The following TCF25 variants were observed in gnomAD, a reference collection of about 807,000 sequenced individuals.
TCF25 encodes the protein TCF25 ribosome quality control complex subunit.
TCF25 carries 41 observed loss-of-function variants against 83.1 expected under a neutral mutation model. That is an observed-to-expected ratio of 0.49 (90% CI 0.38 to 0.64). The LOEUF (loss-of-function observed/expected upper bound fraction) is 0.64, where lower values mean the gene tolerates loss of function less well. TCF25 is among the 30% of genes least tolerant of loss of function. TCF25 has a pLI of 0.00. For synonymous variants in TCF25, 458 were observed against 365.0 expected, an observed-to-expected ratio of 1.25 and a Z score of -2.90; for missense variants, 979 against 914.5, an observed-to-expected ratio of 1.07 and a Z score of -0.91.
At chr16:89,908,521 GCTCCCA>G (rs2045206554) in intron 16 of TCF25, among the ~76,000 whole-genome samples, 1 of 28,206 alleles carries the variant, frequency 3.5e-5, no homozygotes, top group Non-Finnish European at 7.8e-5. Context: ...CCACCTTCCA[GCTCCCA>G]CCTCCCAGCT....
chr16:89,892,150 C>A, intron 5 of TCF25, 43 bp from the exon 6 acceptor site: 1 of 1,541,522 alleles, frequency 6.5e-7, no homozygotes, highest in South Asian at 1.3e-5. Flanking sequence ...GGTCCCCACA[C>A]GCCACAGGAA....
Position 89,892,238 on chromosome 16 carries a change from C to A in TCF25, c.660C>A (p.Thr220=). 1 of 1,613,110 alleles carries A rather than the reference C, an allele frequency of 6.2e-7. No individual in the cohort carries two copies. Among genetic ancestry groups the A allele is most frequent in the Non-Finnish European group, 8.5e-7 (1 of 1,179,760 alleles). Residue 220 remains threonine, a synonymous_variant, in exon 6 of 18, where the codon ACC becomes ACA. Coordinates refer to ENST00000263346, the MANE Select transcript of TCF25 (RefSeq NM_014972.3). ...TGTACCCCAAGTGCACATGGCTGAC[C>A]ACCCCTAAAAGCACCTGGCCCCGCT... ...QRVYPKCTWL[T]TPKSTWPRYS...
chr16:89,889,819 G>T, intron 5 of TCF25: 1 of 152,238 alleles, frequency 6.6e-6, no homozygotes, highest in Non-Finnish European at 1.5e-5. Context: ...CGAAGTGCTG[G>T]GATTACAGGT....
chr16:89,904,259 G>A (rs1443869378), intron 13 of TCF25, 54 bp downstream of exon 13: 2 of 1,541,892 alleles, frequency 1.3e-6, no homozygotes, highest in African/African-American at 2.7e-5. Flanking sequence ...TCGGAGCCTG[G>A]GAGCCATTTT....
chr16:89,892,629 C>G (rs562539572), intron 6 of TCF25, among the ~76,000 whole-genome samples: 6 of 152,244 alleles, frequency 3.9e-5, no homozygotes, highest in African/African-American at 1.2e-4. Context: ...TGCCATCGAC[C>G]TTTCCCTTAT....
chr16:89,883,332 C>T lies in TCF25; in HGVS notation c.193-19C>T. 1.2e-6 allele frequency: 2 copies of T among 1,611,780 alleles called. No individual in the cohort carries two copies. Among genetic ancestry groups the T allele is most frequent in the Non-Finnish European group, 1.7e-6 (2 of 1,178,078 alleles). On this transcript the variant is annotated intron_variant, in intron 1 of 17. Transcript: ENST00000263346. ...CACTGTAAGTAACGCCCTGGCTCTT[C>T]TCCAACCTGTTTTTCCAGATAAACA... is the stretch of plus-strand genomic sequence containing the variant.
At chr16:89,887,785 G>C (rs550147785) in intron 5 of TCF25, 68 bp downstream of exon 5, 2 of 1,438,166 alleles carry the variant, frequency 1.4e-6, no homozygotes, top group East Asian at 2.5e-5. Context: ...GCCGGGGGTG[G>C]TGTTCCTGAA....
intron 1 of TCF25, chr16:89,878,551 A>T: frequency 8.2e-7 from 1 of 1,223,388 alleles, no homozygotes; most frequent in Non-Finnish European, 1.0e-6. Context: ...ATCCTAAAGA[A>T]GATCAGTCGT....
intron 1 of TCF25, among the ~76,000 whole-genome samples, chr16:89,874,322 G>A (rs1368329556): frequency 6.6e-6 from 1 of 151,690 alleles, no homozygotes; most frequent in Non-Finnish European, 1.5e-5. Flanking sequence ...AGACGGGGGG[G>A]TGGCGAGGCG....
chr16:89,906,735 G>A (rs533758183), intron 15 of TCF25, among the ~76,000 whole-genome samples: 11 of 152,262 alleles, frequency 7.2e-5, no homozygotes, highest in South Asian at 4.1e-4. Context: ...ACCGTGGACC[G>A]TCCACTGGGG....
At chr16:89,890,533 C>A (rs1274071551) in intron 5 of TCF25, 1 of 152,144 alleles carries the variant, frequency 6.6e-6, no homozygotes, top group African/African-American at 2.4e-5. Context: ...TTCACGCCTT[C>A]CCTGGATTTC....
chr16:89,898,381 T>A (rs538986066), intron 9 of TCF25, among the ~76,000 whole-genome samples, 176 bp from the exon 10 acceptor site: 6,008 of 100,918 alleles, frequency 0.06, 533 homozygotes, highest in African/African-American at 0.25. Context: ...CGCTGAGCAG[T>A]GTGTGGGGTG....
intron 11 of TCF25, among the ~76,000 whole-genome samples, 183 bp from the exon 12 acceptor site, chr16:89,900,452 G>A (rs903833957): frequency 2.0e-5 from 3 of 152,122 alleles, no homozygotes; most frequent in East Asian, 1.9e-4. Context: ...TTCTGCATGC[G>A]GAAAGCCCCC....
chr16:89,902,508 T>C (rs1477977721), intron 12 of TCF25, among the ~76,000 whole-genome samples: 2 of 137,500 alleles, frequency 1.5e-5, no homozygotes, highest in African/African-American at 5.3e-5. Flanking sequence ...ACTAACACGG[T>C]GAAACCACGT....
intron 13 of TCF25, chr16:89,904,577 C>CA (rs1476389445): frequency 1.6e-5 from 8 of 487,760 alleles, no homozygotes; most frequent in Non-Finnish European, 2.3e-5. Flanking sequence ...GACCCCGTCT[C>CA]AAAAAACAAA....
intron 1 of TCF25, among the ~76,000 whole-genome samples, chr16:89,879,234 G>A (rs989054342): frequency 2.0e-5 from 3 of 150,938 alleles, no homozygotes; most frequent in Non-Finnish European, 4.4e-5. Context: ...CCTGTCACAC[G>A]TGTTGTCCGT....
chr16:89,879,302 T>C (rs536196530), intron 1 of TCF25, among the ~76,000 whole-genome samples: 5 of 137,364 alleles, frequency 3.6e-5, no homozygotes, highest in South Asian at 4.8e-4. Flanking sequence ...CAGACGGGCT[T>C]CAGAGCCTGT....
rs111210190 is a variant in TCF25, at chr16:89,907,674, C to T, written c.1799+352C>T. ...CTCCCAGCTCCCAGCTCCCTCCTCC[C>T]ACCTCCCACCTCCCTCCTTTCACCT... On this transcript the variant is annotated intron_variant, in intron 16 of 17. Transcript: ENST00000263346. 3.7e-5 allele frequency among the ~76,000 whole-genome samples: 4 copies of T among 108,864 alleles called. 1 individual carries two copies. The highest frequency in any genetic ancestry group is 1.9e-4 in the African/African-American group (4 of 20,812). The allele number at this position is 108,864 out of a possible 152,430, so 71.4% of individuals were successfully genotyped here.
chr16:89,877,610 C>T (rs941762257), intron 1 of TCF25, among the ~76,000 whole-genome samples: 1 of 152,130 alleles, frequency 6.6e-6, no homozygotes, highest in African/African-American at 2.4e-5. Flanking sequence ...GCAAATTAAA[C>T]TCAAAATGTG....
Sources: allele counts gnomAD v4.1 joint callset (sites outside exome capture counted in the v4.1 genomes callset), GRCh38; gene constraint gnomAD v4.1.1; transcripts MANE v1.5; gene names NCBI Gene and HGNC (gene_info 2026-07-23, HGNC 2026-07-21).